The following TMTC2 variants were observed in gnomAD, a reference collection of about 807,000 sequenced individuals.
TMTC2 encodes protein O-mannosyl-transferase TMTC2.
A neutral mutation model predicts 82.4 loss-of-function variants in TMTC2; 43 were observed. The observed-to-expected ratio is 0.52, with a 90% CI of 0.41 to 0.67. The LOEUF (loss-of-function observed/expected upper bound fraction) is 0.67, where lower values mean the gene tolerates loss of function less well. TMTC2 is among the 30% of genes least tolerant of loss of function. The pLI, the probability that TMTC2 is intolerant of heterozygous loss-of-function variation, is 0.00. For synonymous variants in TMTC2, 408 were observed against 381.9 expected, an observed-to-expected ratio of 1.07 and a Z score of -0.80; for missense variants, 919 against 1,012.4, an observed-to-expected ratio of 0.91 and a Z score of 1.25.
At chr12:82,991,103 A>C (rs1225709445) in intron 8 of TMTC2, among the ~76,000 whole-genome samples, 1 of 152,178 alleles carries the variant, frequency 6.6e-6, no homozygotes, top group Non-Finnish European at 1.5e-5. Context: ...TTATAAATGA[A>C]GAATCTGAGC....
chr12:83,100,015 G>T (rs1004303713), intron 11 of TMTC2, among the ~76,000 whole-genome samples: 1 of 151,840 alleles, frequency 6.6e-6, no homozygotes, highest in Admixed American at 6.6e-5. Flanking sequence ...CACCTCCCAG[G>T]TTCAAGTGAT....
intron 3 of TMTC2, among the ~76,000 whole-genome samples, chr12:82,929,304 G>A (rs889645251): frequency 4.6e-5 from 7 of 151,894 alleles, no homozygotes; most frequent in African/African-American, 1.5e-4. Flanking sequence ...CAGTCCACTC[G>A]CCTCATCAGC....
intron 8 of TMTC2, among the ~76,000 whole-genome samples, chr12:83,019,337 G>A (rs996895061): frequency 6.6e-6 from 1 of 151,920 alleles, no homozygotes; most frequent in East Asian, 1.9e-4. Flanking sequence ...CTTACCCACC[G>A]CTCCCCAAAT....
chr12:82,926,170 G>T (rs1475572267), intron 3 of TMTC2, among the ~76,000 whole-genome samples: 2 of 152,036 alleles, frequency 1.3e-5, no homozygotes, highest in Non-Finnish European at 2.9e-5. Context: ...TAGTAGAGAT[G>T]GGGTTTCACC....
chr12:82,845,127 G>T (rs1870568342), intron 1 of TMTC2, among the ~76,000 whole-genome samples: 1 of 147,542 alleles, frequency 6.8e-6, no homozygotes, highest in Non-Finnish European at 1.5e-5. Context: ...TACTTGGGAG[G>T]CTGAGACAGG....
At chr12:82,806,634 G>C (rs1403980532) in intron 1 of TMTC2, among the ~76,000 whole-genome samples, 1 of 152,038 alleles carries the variant, frequency 6.6e-6, no homozygotes, top group Non-Finnish European at 1.5e-5. Context: ...AACACATTTG[G>C]TATATGTATT....
chr12:83,064,043 C>T (rs10778936), intron 11 of TMTC2, among the ~76,000 whole-genome samples: 46,220 of 151,426 alleles, frequency 0.31, 7,172 homozygotes, highest in East Asian at 0.46. Context: ...TTTTTTATTG[C>T]CTTCACATTA....
At chr12:82,931,220 T>G (rs1345801025) in intron 4 of TMTC2, among the ~76,000 whole-genome samples, 1 of 151,450 alleles carries the variant, frequency 6.6e-6, no homozygotes, top group African/African-American at 2.4e-5. Context: ...TGATTATTAA[T>G]GATAGATTTT....
intron 1 of TMTC2, among the ~76,000 whole-genome samples, chr12:82,742,973 G>C (rs1875496897): frequency 6.6e-6 from 1 of 152,224 alleles, no homozygotes; most frequent in East Asian, 1.9e-4. Context: ...TTGCCTTTCT[G>C]TGACAGTTTT....
intron 10 of TMTC2, among the ~76,000 whole-genome samples, chr12:83,055,534 A>G (rs1882505022): frequency 6.6e-6 from 1 of 152,062 alleles, no homozygotes; most frequent in African/African-American, 2.4e-5. Flanking sequence ...AGAAGAAACT[A>G]TTGAATCATT....
At chr12:82,870,382 G>A (rs950329446) in intron 2 of TMTC2, among the ~76,000 whole-genome samples, 5 of 145,896 alleles carry the variant, frequency 3.4e-5, no homozygotes, top group African/African-American at 1.4e-4. Flanking sequence ...TAAAATCACA[G>A]TGTATTTTTC....
Position 83,064,114 on chromosome 12 carries a change from AGT to A in TMTC2, c.2331+2284_2331+2285del, listed in dbSNP as rs1440262369. On this transcript the variant is annotated intron_variant, in intron 11 of 11. Transcript: ENST00000321196. ...TAAATGCAATTGTTTTTTGAGTACT[AGT>A]CACTTGAGTATCATGTTGATTTTTG... is the stretch of plus-strand genomic sequence containing the variant. 3.3e-5 allele frequency among the ~76,000 whole-genome samples: 5 copies of A among 151,818 alleles called. 1 individual carries two copies. Among genetic ancestry groups the A allele is most frequent in the Non-Finnish European group, 7.4e-5 (5 of 67,882 alleles).
At chr12:82,724,559 G>A (rs921415419) in intron 1 of TMTC2, among the ~76,000 whole-genome samples, 3 of 152,100 alleles carry the variant, frequency 2.0e-5, no homozygotes, top group African/African-American at 7.2e-5. Context: ...CTTCCACCAT[G>A]ATTGTAAGTT....
intron 9 of TMTC2, among the ~76,000 whole-genome samples, chr12:83,047,831 A>C (rs1592715570): frequency 6.6e-6 from 1 of 152,258 alleles, no homozygotes; most frequent in African/African-American, 2.4e-5. Context: ...TGATAAAAAT[A>C]GTTAATTTGA....
chr12:82,931,750 T>A (rs919615919), intron 4 of TMTC2, among the ~76,000 whole-genome samples: 1 of 152,190 alleles, frequency 6.6e-6, no homozygotes, highest in Non-Finnish European at 1.5e-5. Context: ...ATGATTCCTG[T>A]GTCTTTATAA....
At chr12:83,104,834 C>G (rs1884342616) in intron 11 of TMTC2, among the ~76,000 whole-genome samples, 1 of 152,228 alleles carries the variant, frequency 6.6e-6, no homozygotes, top group Admixed American at 6.5e-5. Flanking sequence ...TTTTCTTTCT[C>G]TGCCACATGG....
In TMTC2 at chr12:83,132,380, T is replaced by C. The variant is rs1885289300; in HGVS notation, c.2502T>C (p.Ser834=). The stretch of plus-strand genomic sequence containing the variant: ...TGGAAAAACAAGGCTTAAAGACTTC[T>C]AAGACCTGACACAGGAGGCAGAAGC... ...NIMEKQGLKT[S]KT Residue 834 remains serine, a synonymous_variant, in exon 12 of 12, where the codon TCT becomes TCC. Transcript: ENST00000321196. 5 of 1,613,618 alleles carry C rather than the reference T, an allele frequency of 3.1e-6. No homozygotes were observed. The highest frequency in any genetic ancestry group is 4.2e-6 in the Non-Finnish European group (5 of 1,179,878).
At chr12:82,792,650 T>A (rs77168676) in intron 1 of TMTC2, among the ~76,000 whole-genome samples, 2,356 of 151,998 alleles carry the variant, frequency 0.016, 60 homozygotes, top group African/African-American at 0.053. Context: ...TTTTTTTCCA[T>A]TTTTTGTAGA....
chr12:83,111,265 A>G (rs1884590661), intron 11 of TMTC2, among the ~76,000 whole-genome samples: 1 of 152,188 alleles, frequency 6.6e-6, no homozygotes, highest in Non-Finnish European at 1.5e-5. Flanking sequence ...TTCCCATTTA[A>G]TGTTTAAACT....
Sources: allele counts gnomAD v4.1 joint callset (sites outside exome capture counted in the v4.1 genomes callset), GRCh38; gene constraint gnomAD v4.1.1; transcripts MANE v1.5; gene names NCBI Gene and HGNC (gene_info 2026-07-23, HGNC 2026-07-21).